SLC38A12: variants seen among roughly 807,000 people sequenced by gnomAD.
SLC38A12 encodes solute carrier family 38 member 12, also known as putative sodium-coupled neutral amino acid transporter 12.
the SLC38A12 span, among the ~76,000 whole-genome samples, chr17:74,807,105 A>ACCCCCCCCCCCCCCCCCCCCCCCTTCC: frequency 7.9e-6 from 1 of 126,176 alleles, no homozygotes; most frequent in African/African-American, 3.0e-5. Flanking sequence ...TCCCCCAGAC[A>ACCCCCCCCCCCCCCCCCCCCCCCTTCC]CCCCCCCACC....
At chr17:74,792,475 A>G in the SLC38A12 span, among the ~76,000 whole-genome samples, 19 of 152,118 alleles carry the variant, frequency 1.2e-4, no homozygotes, top group Non-Finnish European at 2.4e-4. Flanking sequence ...ACCAGAAAAA[A>G]GAGTTTAGTT....
At chr17:74,787,210 A>G in the SLC38A12 span, among the ~76,000 whole-genome samples, 1 of 152,168 alleles carries the variant, frequency 6.6e-6, no homozygotes, top group Admixed American at 6.5e-5. Context: ...TGTGGGGCCA[A>G]GTGACCCCTC....
At chr17:74,785,879 T>A in the SLC38A12 span, among the ~76,000 whole-genome samples, 95 of 152,356 alleles carry the variant, frequency 6.2e-4, no homozygotes, top group South Asian at 1.0e-3. Flanking sequence ...CTGGCCTATT[T>A]CTTCCCTGGC....
the SLC38A12 span, chr17:74,788,944 ATTC>A: frequency 7.2e-7 from 1 of 1,379,492 alleles, no homozygotes; most frequent in East Asian, 2.5e-5. Flanking sequence ...TCAGCAGCCC[ATTC>A]TTTTCCTCTC....
At chr17:74,826,199 C>T in the SLC38A12 span, among the ~76,000 whole-genome samples, 50 of 152,274 alleles carry the variant, frequency 3.3e-4, no homozygotes, top group African/African-American at 1.1e-3. Context: ...TGCCAGGCTC[C>T]GAGGGTGTGG....
the SLC38A12 span, among the ~76,000 whole-genome samples, chr17:74,822,098 A>G: frequency 6.6e-6 from 1 of 152,166 alleles, no homozygotes; most frequent in African/African-American, 2.4e-5. Context: ...TTGAAAGGGA[A>G]AAGATTGTAA....
the SLC38A12 span, among the ~76,000 whole-genome samples, chr17:74,834,448 A>G: frequency 6.6e-6 from 1 of 151,970 alleles, no homozygotes; most frequent in African/African-American, 2.4e-5. Flanking sequence ...CCTGTCCCCG[A>G]CAGTGTCAGG....
At chr17:74,780,735 A>G in the SLC38A12 span, among the ~76,000 whole-genome samples, 1 of 152,208 alleles carries the variant, frequency 6.6e-6, no homozygotes, top group Non-Finnish European at 1.5e-5. Context: ...CTGAGAAGGC[A>G]GAGAAGTCCT....
chr17:74,818,334 A>C, the SLC38A12 span, among the ~76,000 whole-genome samples: 4 of 152,230 alleles, frequency 2.6e-5, no homozygotes. Context: ...CCCCCAGCAG[A>C]AAGCTGCTCT....
At chr17:74,826,285 G>C in the SLC38A12 span, among the ~76,000 whole-genome samples, 3 of 152,206 alleles carry the variant, frequency 2.0e-5, no homozygotes, top group African/African-American at 7.2e-5. Context: ...TCAGACACTT[G>C]CCCTTCACCA....
At chr17:74,809,423 G>A in the SLC38A12 span, among the ~76,000 whole-genome samples, 3 of 152,252 alleles carry the variant, frequency 2.0e-5, no homozygotes, top group African/African-American at 4.8e-5. Flanking sequence ...AGTCGTGAGC[G>A]GTGCCACAGT....
the SLC38A12 span, among the ~76,000 whole-genome samples, chr17:74,798,204 G>A: frequency 1.3e-5 from 2 of 152,172 alleles, no homozygotes; most frequent in African/African-American, 4.8e-5. Context: ...TTGCCATTCT[G>A]CAACAGTAGT....
the SLC38A12 span, chr17:74,795,183 CA>C: frequency 7.7e-7 from 1 of 1,292,748 alleles, no homozygotes; most frequent in Non-Finnish European, 1.1e-6. Context: ...GCAGAGTGTC[CA>C]GGGGAGAAGC....
the SLC38A12 span, chr17:74,835,842 C>A: frequency 2.0e-6 from 3 of 1,509,226 alleles, no homozygotes; most frequent in African/African-American, 1.4e-5. Flanking sequence ...GGGCTCTAGT[C>A]CCCGCAAAGG....
chr17:74,836,633 C>CTAAA, the SLC38A12 span: 1 of 1,612,464 alleles, frequency 6.2e-7, no homozygotes, highest in Middle Eastern at 1.7e-4. The surrounding 1 kb of genome is among the most constrained non-coding windows in gnomAD (Gnocchi z 4.2). Flanking sequence ...TCTGGGCTTT[C>CTAAA]TCCTGCTTCA....
chr17:74,822,583 C>T, the SLC38A12 span, among the ~76,000 whole-genome samples: 3 of 152,334 alleles, frequency 2.0e-5, no homozygotes, highest in East Asian at 1.9e-4. Context: ...GCCTCTCAGG[C>T]GAACCTTTTC....
the SLC38A12 span, chr17:74,788,968 G>C: frequency 9.0e-7 from 1 of 1,106,406 alleles, no homozygotes; most frequent in East Asian, 2.7e-5. Context: ...AGTGCATGGC[G>C]GGCTCTGTCC....
the SLC38A12 span, among the ~76,000 whole-genome samples, chr17:74,812,891 G>A: frequency 6.6e-6 from 1 of 152,172 alleles, no homozygotes; most frequent in East Asian, 1.9e-4. Flanking sequence ...TGAAACTCCG[G>A]GAGCTGACAG....
the SLC38A12 span, among the ~76,000 whole-genome samples, chr17:74,803,585 C>G: frequency 3.3e-5 from 5 of 152,152 alleles, no homozygotes; most frequent in Non-Finnish European, 7.3e-5. Context: ...AGTCAGACCC[C>G]GAGCCCGAGG....
Sources: gnomAD v4.1 joint callset for allele counts (sites outside exome capture counted in the v4.1 genomes callset) on GRCh38, gnomAD v4.1.1 for gene constraint, Gnocchi (gnomAD v3.1) non-coding constraint, MANE v1.5 for transcripts, NCBI Gene and HGNC (gene_info 2026-07-23, HGNC 2026-07-21) for gene names.